SHLD1: variants seen among roughly 807,000 people sequenced by gnomAD.
SHLD1 encodes the protein RINN1-REV7-interacting novel NHEJ regulator 3.
In SHLD1, 3 loss-of-function variants were observed where a neutral mutation model predicts 5.5. The ratio of observed to expected loss-of-function variants is 0.54; its 90% confidence interval spans 0.25 to 1.40. The LOEUF (loss-of-function observed/expected upper bound fraction) is 1.40, where lower values mean the gene tolerates loss of function less well. Ranked by LOEUF, SHLD1 falls within the 40% of genes most tolerant of loss-of-function variation. The pLI, the probability that SHLD1 is intolerant of heterozygous loss-of-function variation, is 0.15. For missense variants in SHLD1, 210 were observed against 244.4 expected (o/e 0.86, Z 0.94); for synonymous variants, 92 against 94.3 (o/e 0.98, Z 0.14).
intron 2 of SHLD1, among the ~76,000 whole-genome samples, chr20:5,802,945 A>G (rs1362054641): frequency 2.0e-5 from 3 of 152,186 alleles, no homozygotes; most frequent in Non-Finnish European, 4.4e-5. Context: ...GGCCAGGACC[A>G]AGACAAAGTG....
intron 2 of SHLD1, among the ~76,000 whole-genome samples, chr20:5,807,975 C>A (rs1320612899): frequency 6.6e-6 from 1 of 152,062 alleles, no homozygotes; most frequent in Non-Finnish European, 1.5e-5. Context: ...ATAAACAGTA[C>A]AAAAGAGTAT....
intron 2 of SHLD1, among the ~76,000 whole-genome samples, chr20:5,810,775 A>G (rs971122897): frequency 1.3e-5 from 2 of 151,820 alleles, no homozygotes; most frequent in Non-Finnish European, 1.5e-5. Context: ...CATGCCTGTA[A>G]CTACATCCCA....
intron 2 of SHLD1, among the ~76,000 whole-genome samples, chr20:5,791,983 A>G (rs2087148290): frequency 1.3e-5 from 2 of 152,162 alleles, no homozygotes; most frequent in South Asian, 4.1e-4. Context: ...CCACATGTTT[A>G]TTGGCCATTT....
chr20:5,795,218 G>A lies in SHLD1; in HGVS notation c.178+22175G>A, dbSNP rs550729969. 2.7e-4 allele frequency among the ~76,000 whole-genome samples: 41 copies of A among 150,908 alleles called. No individual in the cohort carries two copies. The South Asian group carries it at 8.2e-3, about 30-fold the overall frequency. ...CACACCACTGTACTTCAGCCTGAGG[G>A]ATAGAGTGAGACTCTGTCTCAAAAA... On this transcript the variant is annotated intron_variant, in intron 2 of 2. Transcript: ENST00000303142.
chr20:5,793,229 G>A (rs545470003), intron 2 of SHLD1, among the ~76,000 whole-genome samples: 46 of 151,708 alleles, frequency 3.0e-4, no homozygotes, highest in Admixed American at 5.9e-4. Context: ...TTTTTTCCTC[G>A]GAATTGTTTT....
At chr20:5,793,971 A>G (rs528472860) in intron 2 of SHLD1, among the ~76,000 whole-genome samples, 131 of 152,096 alleles carry the variant, frequency 8.6e-4, no homozygotes, top group African/African-American at 3.0e-3. Flanking sequence ...CAGCCTCCCA[A>G]AGTGCTGGGA....
chr20:5,797,950 C>T (rs1490008221), intron 2 of SHLD1, among the ~76,000 whole-genome samples: 2 of 152,214 alleles, frequency 1.3e-5, no homozygotes, highest in Admixed American at 6.5e-5. Flanking sequence ...TTATCTCTTG[C>T]TGCCTAACTA....
At chr20:5,757,224 A>G (rs943817014) in intron 1 of SHLD1, among the ~76,000 whole-genome samples, 9 of 151,494 alleles carry the variant, frequency 5.9e-5, no homozygotes, top group African/African-American at 2.2e-4. Flanking sequence ...ATTACAAAGT[A>G]CACCACCACG....
At chr20:5,819,029 A>G (rs1327317346) in intron 2 of SHLD1, among the ~76,000 whole-genome samples, 1 of 151,866 alleles carries the variant, frequency 6.6e-6, no homozygotes, top group Non-Finnish European at 1.5e-5. Context: ...CACCCAGCTG[A>G]TTTTTGTGTT....
intron 1 of SHLD1, among the ~76,000 whole-genome samples, chr20:5,765,802 G>C (rs1984800243): frequency 1.2e-5 from 1 of 84,882 alleles, no homozygotes; most frequent in Non-Finnish European, 2.1e-5. Context: ...TTTTTAAGTA[G>C]AGGACAGGGT....
chr20:5,854,159 C>T (rs1234053444), intron 2 of SHLD1, among the ~76,000 whole-genome samples: 1 of 152,154 alleles, frequency 6.6e-6, no homozygotes, highest in Non-Finnish European at 1.5e-5. Context: ...GCATGTTCTA[C>T]CATGCCCAGC....
At chr20:5,830,671 A>G (rs1035497674) in intron 2 of SHLD1, among the ~76,000 whole-genome samples, 19 of 148,376 alleles carry the variant, frequency 1.3e-4, no homozygotes, top group African/African-American at 4.9e-4. Flanking sequence ...CTGGGCAACA[A>G]GAGTGAAACT....
At chr20:5,796,553 G>A (rs1182255917) in intron 2 of SHLD1, among the ~76,000 whole-genome samples, 2 of 152,044 alleles carry the variant, frequency 1.3e-5, no homozygotes, top group Non-Finnish European at 2.9e-5. Flanking sequence ...GAGGCCGGGC[G>A]CAGTGGCTCA....
At chr20:5,752,636 G>C (rs1166689644) in intron 1 of SHLD1, among the ~76,000 whole-genome samples, 1 of 130,522 alleles carries the variant, frequency 7.7e-6, no homozygotes, top group Non-Finnish European at 1.5e-5. Flanking sequence ...TTTTTTTTGA[G>C]GCAGAGTCTT....
chr20:5,801,118 C>T (rs1005900715), intron 2 of SHLD1, among the ~76,000 whole-genome samples: 2 of 150,870 alleles, frequency 1.3e-5, no homozygotes, highest in Non-Finnish European at 2.9e-5. Context: ...TCTCTTATCA[C>T]CCAGGCTGGA....
At chr20:5,832,971 A>G (rs570527994) in intron 2 of SHLD1, among the ~76,000 whole-genome samples, 1 of 152,280 alleles carries the variant, frequency 6.6e-6, no homozygotes, top group East Asian at 1.9e-4. Context: ...CAGTTGTGCA[A>G]GGCTGTGCTG....
Position 5,819,999 on chromosome 20 carries a change from G to A in SHLD1, c.179-43025G>A, listed in dbSNP as rs1406700558. On this transcript the variant is annotated intron_variant, in intron 2 of 2. Transcript: ENST00000303142. Reference sequence around the variant, plus strand: ...TGCTCTGTCGCCCAGACAGGCTGGAGTGCAGTGCTGTGATCTCAGCTCACT... The same window carrying A: ...TGCTCTGTCGCCCAGACAGGCTGGAATGCAGTGCTGTGATCTCAGCTCACT... Among the ~76,000 whole-genome samples the A allele has an allele frequency of 6.6e-5, 10 of 152,230 alleles. 1 individual carries two copies. Among genetic ancestry groups the A allele is most frequent in the African/African-American group, 1.2e-4 (5 of 41,558 alleles).
At chr20:5,770,984 T>C (rs546143122) in intron 1 of SHLD1, among the ~76,000 whole-genome samples, 2 of 152,332 alleles carry the variant, frequency 1.3e-5, no homozygotes, top group African/African-American at 4.8e-5. Flanking sequence ...ATTGATACAT[T>C]GGTGGAACCA....
chr20:5,829,991 A>G (rs1009344000), intron 2 of SHLD1, among the ~76,000 whole-genome samples: 2 of 152,162 alleles, frequency 1.3e-5, no homozygotes, highest in African/African-American at 4.8e-5. Flanking sequence ...TTTGGTACAG[A>G]TCTGGTATAG....
Sources: allele counts gnomAD v4.1 joint callset (sites outside exome capture counted in the v4.1 genomes callset), GRCh38; gene constraint gnomAD v4.1.1; transcripts MANE v1.5; gene names NCBI Gene and HGNC (gene_info 2026-07-23, HGNC 2026-07-21).